The following VRK2 variants were observed in gnomAD, a reference collection of about 807,000 sequenced individuals.
The protein encoded by VRK2 is VRK serine/threonine kinase 2.
Under a neutral mutation model 57.6 loss-of-function variants are expected in VRK2, and 60 were observed. The ratio of observed to expected loss-of-function variants is 1.04; its 90% CI spans 0.85 to 1.29. The LOEUF (loss-of-function observed/expected upper bound fraction) is 1.29. VRK2 is among the 50% of genes most tolerant of loss of function. The pLI, the probability that VRK2 is intolerant of heterozygous loss-of-function variation, is 0.00. For missense variants in VRK2, 705 were observed against 588.1 expected (o/e 1.20, Z -2.06); for synonymous variants, 231 against 199.2 (o/e 1.16, Z -1.35).
At chr2:57,944,953 A>C (rs1671216041) in intron 1 of VRK2, among the ~76,000 whole-genome samples, 1 of 152,188 alleles carries the variant, frequency 6.6e-6, no homozygotes, top group Non-Finnish European at 1.5e-5. Context: ...TTCTAGAAAG[A>C]ATCTTGTGAA....
upstream of VRK2, chr2:58,046,693 G>GCCGCT (rs1191710361): frequency 1.0e-6 from 1 of 985,436 alleles, no homozygotes; most frequent in African/African-American, 1.7e-5. Flanking sequence ...GGCTCCGCGG[G>GCCGCT]CCGCTGCACT....
chr2:58,088,542 G>A (rs1384196793), intron 6 of VRK2, 96 bp downstream of exon 6: 1 of 979,544 alleles, frequency 1.0e-6, no homozygotes, highest in Non-Finnish European at 1.6e-6. Flanking sequence ...GAGAATGAAG[G>A]ATTATTGCCC....
At chr2:58,125,421 T>G (rs1449427535) in intron 8 of VRK2, among the ~76,000 whole-genome samples, 3 of 152,132 alleles carry the variant, frequency 2.0e-5, no homozygotes, top group Non-Finnish European at 2.9e-5. Flanking sequence ...TAATACATGT[T>G]GAATATGTTG....
chr2:58,027,099 G>C (rs1673953375), intron 2 of VRK2, among the ~76,000 whole-genome samples: 2 of 152,006 alleles, frequency 1.3e-5, no homozygotes, highest in Admixed American at 1.3e-4. Context: ...ATAATAAGTT[G>C]AGTAGTAGTA....
exon 3 of VRK2, chr2:58,033,283 G>A (rs1291970407): frequency 6.6e-6 from 1 of 151,954 alleles, no homozygotes; most frequent in Non-Finnish European, 1.5e-5. Context: ...GTGGCAAAAA[G>A]GACTTTACAG....
At chr2:58,137,224 CATATGATACATATATATCAT>C in intron 10 of VRK2, among the ~76,000 whole-genome samples, 1 of 65,148 alleles carries the variant, frequency 1.5e-5, no homozygotes, top group East Asian at 3.9e-4. Flanking sequence ...ACATATATAT[CATATGATACATATATATCAT>C]ATATATGATA....
intron 1 of VRK2, among the ~76,000 whole-genome samples, chr2:58,006,686 T>G (rs1355397566): frequency 2.0e-5 from 3 of 151,988 alleles, no homozygotes; most frequent in African/African-American, 7.3e-5. Flanking sequence ...GCAAGGTGGG[T>G]ATGGTTACTG....
chr2:58,147,111 A>C (rs373494794), intron 12 of VRK2: 4 of 516,380 alleles, frequency 7.7e-6, no homozygotes, highest in African/African-American at 7.7e-5. Context: ...GAAACAGGAT[A>C]ATTTAATACC....
intron 7 of VRK2, among the ~76,000 whole-genome samples, chr2:58,106,692 T>C (rs13410500): frequency 0.061 from 9,347 of 152,074 alleles, 973 homozygotes; most frequent in African/African-American, 0.21. Flanking sequence ...GAGGAAAAAA[T>C]GATCCAACAT....
intron 2 of VRK2, among the ~76,000 whole-genome samples, chr2:58,054,817 C>G (rs1676276566): frequency 6.6e-6 from 1 of 152,162 alleles, no homozygotes; most frequent in Non-Finnish European, 1.5e-5. Context: ...ATAGCTCCAT[C>G]ACATGGACTG....
chr2:58,081,898 G>A (rs1670935367), intron 2 of VRK2, among the ~76,000 whole-genome samples: 1 of 140,434 alleles, frequency 7.1e-6, no homozygotes, highest in Non-Finnish European at 1.6e-5. Flanking sequence ...GTGTGTGTGT[G>A]TTTCGTCATT....
chr2:57,920,490 G>A (rs983630713), intron 1 of VRK2, among the ~76,000 whole-genome samples: 2 of 152,116 alleles, frequency 1.3e-5, no homozygotes, highest in African/African-American at 2.4e-5. Context: ...TTCTGCAGAT[G>A]AGAAAGAGAC....
chr2:58,010,886 T>G (rs1673397828), intron 1 of VRK2, among the ~76,000 whole-genome samples: 1 of 152,226 alleles, frequency 6.6e-6, no homozygotes, highest in Non-Finnish European at 1.5e-5. Context: ...ATATGTTTAC[T>G]TAAAACAGGG....
intron 11 of VRK2, among the ~76,000 whole-genome samples, chr2:58,140,276 A>G (rs888363576): frequency 2.0e-5 from 3 of 152,090 alleles, no homozygotes; most frequent in African/African-American, 7.2e-5. Context: ...CTTTACAGAA[A>G]ATAAAAGAGT....
At chr2:58,136,013 G>C (rs1418590445) in intron 10 of VRK2, among the ~76,000 whole-genome samples, 1 of 152,146 alleles carries the variant, frequency 6.6e-6, no homozygotes, top group Non-Finnish European at 1.5e-5. Flanking sequence ...ACTTCTGAAA[G>C]TAGATATGTA....
intron 2 of VRK2, among the ~76,000 whole-genome samples, chr2:58,069,407 G>C (rs1318913288): frequency 6.6e-6 from 1 of 152,156 alleles, no homozygotes; most frequent in East Asian, 1.9e-4. Flanking sequence ...TAAACAACTT[G>C]TTGTGGTGAC....
chr2:58,128,420 T>C (rs1678679566), intron 8 of VRK2, among the ~76,000 whole-genome samples: 1 of 151,978 alleles, frequency 6.6e-6, no homozygotes, highest in Non-Finnish European at 1.5e-5. Context: ...CAACCTCCAC[T>C]TCCTGGGTTC....
At chr2:57,928,929 A>T (rs537353563) in intron 1 of VRK2, among the ~76,000 whole-genome samples, 1 of 152,286 alleles carries the variant, frequency 6.6e-6, no homozygotes, top group Non-Finnish European at 1.5e-5. Flanking sequence ...TCTCCATGTT[A>T]AGCTTCCTTG....
At chr2:58,082,246 G>C (rs1049743037) in intron 2 of VRK2, among the ~76,000 whole-genome samples, 2 of 151,894 alleles carry the variant, frequency 1.3e-5, no homozygotes. Context: ...AAATAGGCAA[G>C]GAGTCAGGCC....
Sources: gnomAD v4.1 joint callset for allele counts (sites outside exome capture counted in the v4.1 genomes callset) on GRCh38, gnomAD v4.1.1 for gene constraint, MANE v1.5 for transcripts, NCBI Gene and HGNC (gene_info 2026-07-23, HGNC 2026-07-21) for gene names.